The following TBC1D10A variants were observed in gnomAD, a reference collection of about 807,000 sequenced individuals.
The protein encoded by TBC1D10A is EBP50-PDX interactor of 64 kDa.
A neutral mutation model predicts 52.9 loss-of-function variants in TBC1D10A; 24 were observed. The ratio of observed to expected loss-of-function variants is 0.45; its 90% CI spans 0.33 to 0.64. The LOEUF (loss-of-function observed/expected upper bound fraction) is 0.64. Among genes scored for constraint, TBC1D10A ranks in the 30% least tolerant of loss-of-function variants. TBC1D10A has a pLI of 0.02. For synonymous variants in TBC1D10A, 278 were observed against 282.9 expected (o/e 0.98, Z 0.17); for missense variants, 602 against 687.9 (o/e 0.88, Z 1.40).
At chr22:30,293,400 G>A in intron 8 of TBC1D10A, 1 of 713,658 alleles carries the variant, frequency 1.4e-6, no homozygotes, top group Non-Finnish European at 2.6e-6. Context: ...GAGGAAGACG[G>A]GGCCGTGGGT....
intron 1 of TBC1D10A, among the ~76,000 whole-genome samples, chr22:30,317,288 AC>A (rs1425126992): frequency 6.6e-6 from 1 of 151,870 alleles, no homozygotes; most frequent in Admixed American, 6.6e-5. Context: ...GGCACCTAAA[AC>A]CCCAGCTACT....
At chr22:30,324,420 A>G (rs991829800) in intron 1 of TBC1D10A, among the ~76,000 whole-genome samples, 4 of 152,150 alleles carry the variant, frequency 2.6e-5, no homozygotes, top group Non-Finnish European at 4.4e-5. Context: ...AAAGTGAGGG[A>G]AGGAGAGAGG....
chr22:30,294,255 T>C (rs1239782946), intron 6 of TBC1D10A, 145 bp from the exon 7 acceptor site: 4 of 907,108 alleles, frequency 4.4e-6, no homozygotes, highest in Non-Finnish European at 6.6e-6. Context: ...GGTGCTAGGA[T>C]ACAATGATGA....
At chr22:30,302,222 A>G (rs943464450) in intron 2 of TBC1D10A, among the ~76,000 whole-genome samples, 1 of 152,186 alleles carries the variant, frequency 6.6e-6, no homozygotes, top group African/African-American at 2.4e-5. Context: ...AAAGCATGGG[A>G]AAGTATTCCC....
At chr22:30,325,597 T>G (rs1930751235) in intron 1 of TBC1D10A, among the ~76,000 whole-genome samples, 1 of 152,056 alleles carries the variant, frequency 6.6e-6, no homozygotes, top group Non-Finnish European at 1.5e-5. Context: ...GGAGTCCATC[T>G]TTCCTAAGGG....
chr22:30,295,701 A>G, intron 4 of TBC1D10A, 36 bp downstream of exon 4: 1 of 1,608,002 alleles, frequency 6.2e-7, no homozygotes, highest in Non-Finnish European at 8.5e-7. Flanking sequence ...CAGGCCCTAG[A>G]GCCACCTCCC....
intron 1 of TBC1D10A, among the ~76,000 whole-genome samples, chr22:30,326,031 C>A (rs1407305177): frequency 6.6e-6 from 1 of 151,990 alleles, no homozygotes; most frequent in South Asian, 2.1e-4. Flanking sequence ...CTTCTCCGAC[C>A]CTTCCATGAG....
rs1024042520 is a variant in TBC1D10A at position 30,322,623 on chromosome 22, T to A, written c.209+4050A>T. Among the ~76,000 whole-genome samples the A allele has an allele frequency of 8.0e-4, 61 of 76,718 alleles. 1 individual carries two copies. The East Asian group carries it at 0.016, about 21-fold the overall frequency. 50.3% of individuals were successfully genotyped at this position (76,718 alleles called of 152,430 possible). A position where few individuals can be genotyped will look rare whatever the true frequency, so the allele number is the denominator to read the frequency against. On this transcript the variant is annotated intron_variant, in intron 1 of 8. Coordinates refer to ENST00000215790, the MANE Select transcript of TBC1D10A (RefSeq NM_031937.3). ...TTTTTTTTTTTTTTTTTTTTTTTTT[T>A]AGGCAAGGTCTCCCAGGCTGGAGTG...
chr22:30,321,039 A>G (rs1308458846), intron 1 of TBC1D10A, among the ~76,000 whole-genome samples: 1 of 152,196 alleles, frequency 6.6e-6, no homozygotes, highest in East Asian at 1.9e-4. Flanking sequence ...TGCTGGTAGG[A>G]CAAAACATCA....
chr22:30,306,924 T>G (rs891434819), intron 1 of TBC1D10A, among the ~76,000 whole-genome samples: 9 of 152,210 alleles, frequency 5.9e-5, no homozygotes. Flanking sequence ...GAGTCACATA[T>G]CCTTCAATTA....
Position 30,293,906 on chromosome 22 carries a change from A to C in TBC1D10A, c.895+15T>G. The C allele has an allele frequency of 6.2e-7, 1 of 1,608,130 alleles. No individual in the cohort carries two copies. Among genetic ancestry groups the C allele is most frequent in the Non-Finnish European group, 8.5e-7 (1 of 1,175,000 alleles). On this transcript the variant is annotated intron_variant, in intron 7 of 8. Transcript: ENST00000215790. Reference sequence around the variant, plus strand: ...GCTGGGGACAGGGGTGCTCCCCCCAAGCCCAGCCCAGTACCTTCACAGAAG... The same window carrying C: ...GCTGGGGACAGGGGTGCTCCCCCCACGCCCAGCCCAGTACCTTCACAGAAG...
intron 1 of TBC1D10A, among the ~76,000 whole-genome samples, chr22:30,309,113 T>C (rs1165565877): frequency 1.3e-5 from 2 of 152,098 alleles, no homozygotes; most frequent in Non-Finnish European, 2.9e-5. Flanking sequence ...AACCCCCTCC[T>C]CCAGTGTTGT....
In TBC1D10A at chr22:30,299,534, T is replaced by C. The variant is rs199567036; in HGVS notation, c.327A>G (p.Gln109=). Residue 109 remains glutamine (Q), a synonymous_variant, in exon 3 of 9, where the codon CAA becomes CAG. Transcript: ENST00000215790. The part of the protein sequence containing the change: ...KKHKKIRLRC[Q]KGIPPSLRGR... ...CCCGCAGAGAAGGCGGGATGCCCTT[T>C]TGGCACCGCAGACGAATCTGAAAAT... 3 of 1,614,032 alleles carry C rather than the reference T, an allele frequency of 1.9e-6. No individual in the cohort carries two copies. The highest frequency in any genetic ancestry group is 2.5e-6 in the Non-Finnish European group (3 of 1,179,998).
chr22:30,292,861 C>G lies in TBC1D10A; in HGVS notation c.1051-10G>C. The G allele has an allele frequency of 6.2e-7, 1 of 1,610,436 alleles. No individual in the cohort carries two copies. On this transcript the variant is annotated splice_polypyrimidine_tract_variant and intron_variant, in intron 8 of 8. Transcript: ENST00000215790. ...CGGGCAACTCCACCACCTGCAGGGGCAGTGACACAGGCAAGTGGACACCAA... is the reference window on the plus strand; with the variant it reads ...CGGGCAACTCCACCACCTGCAGGGGGAGTGACACAGGCAAGTGGACACCAA...
At position 30,292,278 on chromosome 22, in the gene TBC1D10A, C is replaced by G; in HGVS notation, c.*97G>C. On this transcript the variant is annotated 3_prime_UTR_variant, in exon 9 of 9. Transcript: ENST00000215790. ...ACTCCAGCCCAGCCCAGTGGCCAGG[C>G]AGCTTGGCCCTCAGAGGGTGGGCAG... 1 of 1,140,458 alleles carries G rather than the reference C, an allele frequency of 8.8e-7. No homozygotes were observed. The highest frequency in any genetic ancestry group is 1.2e-6 in the Non-Finnish European group (1 of 814,864). The allele number at this position is 1,140,458 out of a possible 1,614,324, so 70.6% of individuals were successfully genotyped here. A position where few individuals can be genotyped will look rare whatever the true frequency, so the allele number is the denominator to read the frequency against.
chr22:30,296,897 G>C (rs1226260710), intron 3 of TBC1D10A: 1 of 152,294 alleles, frequency 6.6e-6, no homozygotes, highest in African/African-American at 2.4e-5. Context: ...AGAATGTGCT[G>C]AAAGGTGTGG....
At chr22:30,299,001 G>A (rs1268511889) in intron 3 of TBC1D10A, 1 of 161,240 alleles carries the variant, frequency 6.2e-6, no homozygotes, top group African/African-American at 2.4e-5. Context: ...AGTAGAGGAT[G>A]GGAGGCCGGG....
intron 4 of TBC1D10A, 139 bp downstream of exon 4, chr22:30,295,598 C>G: frequency 1.2e-6 from 1 of 807,154 alleles, no homozygotes; most frequent in Non-Finnish European, 2.0e-6. Flanking sequence ...ACATCAGACT[C>G]AAACCAAAAA....
At position 30,292,184 on chromosome 22, in the gene TBC1D10A, A is replaced by C; in HGVS notation, c.*191T>G. On this transcript the variant is annotated 3_prime_UTR_variant, in exon 9 of 9. Coordinates refer to ENST00000215790, the MANE Select transcript of TBC1D10A (RefSeq NM_031937.3). ...TGGGCCAGCCTGAGTGCCACTGTAA[A>C]GAAAATAAATAAGGAGGCTCAGGCA... 1 of 541,484 alleles carries C rather than the reference A, an allele frequency of 1.8e-6. No homozygotes were observed. The highest frequency in any genetic ancestry group is 1.9e-5 in the African/African-American group (1 of 51,766). The allele number at this position is 541,484 out of a possible 1,614,324, so 33.5% of individuals were successfully genotyped here. A position where few individuals can be genotyped will look rare whatever the true frequency, so the allele number is the denominator to read the frequency against.
Sources: allele counts gnomAD v4.1 joint callset (sites outside exome capture counted in the v4.1 genomes callset), GRCh38; gene constraint gnomAD v4.1.1; transcripts MANE v1.5; gene names NCBI Gene and HGNC (gene_info 2026-07-23, HGNC 2026-07-21).